The following SLC8A1 variants were observed in gnomAD, a reference collection of about 807,000 sequenced individuals.
The protein encoded by SLC8A1 is solute carrier family 8 member A1.
Under a neutral mutation model 68.3 loss-of-function variants are expected in SLC8A1, and 18 were observed. The observed-to-expected ratio is 0.26, with a 90% CI of 0.18 to 0.39. The LOEUF is 0.39. Among genes scored for constraint, SLC8A1 ranks in the 10% least tolerant of loss-of-function variants. The pLI, the probability that SLC8A1 is intolerant of heterozygous loss-of-function variation, is 1.00. For synonymous variants in SLC8A1, 475 were observed against 415.5 expected (o/e 1.14, Z -1.74); for missense variants, 985 against 1,156.7 (o/e 0.85, Z 2.15).
intron 1 of SLC8A1, among the ~76,000 whole-genome samples, chr2:40,469,474 A>G (rs6735424): frequency 0.61 from 92,679 of 151,998 alleles, 28,371 homozygotes; most frequent in South Asian, 0.73. Context: ...GAAGAACTGC[A>G]AGTCAATTAA....
chr2:40,175,315 T>C lies in SLC8A1; in HGVS notation c.1913-473A>G. 4 of 1,603,440 alleles carry C rather than the reference T, an allele frequency of 2.5e-6. No homozygotes were observed. In the South Asian group the frequency reaches 3.3e-5, roughly 13 times the overall value. ...GAAACAGACAAAGACAAACACAGAA[T>C]AAGAGACCAGATGAATAATGAAAGT... On this transcript the variant is annotated intron_variant, in intron 3 of 7. Coordinates refer to ENST00000406785, the Ensembl canonical transcript of SLC8A1.
At chr2:40,482,073 T>C (rs1704663422) in intron 1 of SLC8A1, among the ~76,000 whole-genome samples, 1 of 152,218 alleles carries the variant, frequency 6.6e-6, no homozygotes, top group Admixed American at 6.5e-5. Flanking sequence ...TTTTTTAAAA[T>C]ACATATTTTA....
chr2:40,457,609 T>G (rs928999723), intron 1 of SLC8A1, among the ~76,000 whole-genome samples: 10 of 152,210 alleles, frequency 6.6e-5, no homozygotes, highest in African/African-American at 2.4e-4. Flanking sequence ...TATGCTCTCG[T>G]CTCTTTAAAA....
intron 2 of SLC8A1, among the ~76,000 whole-genome samples, chr2:40,268,381 T>C (rs72939210): frequency 0.036 from 5,487 of 152,166 alleles, 366 homozygotes; most frequent in African/African-American, 0.12. Context: ...TTGAGAAACA[T>C]TGAACTAGGT....
intron 2 of SLC8A1, among the ~76,000 whole-genome samples, chr2:40,288,844 T>TAC (rs2068766358): frequency 7.1e-6 from 1 of 141,044 alleles, no homozygotes; most frequent in African/African-American, 2.8e-5. Flanking sequence ...CATATATATA[T>TAC]ATATATATGT....
At chr2:40,213,084 T>C (rs572853105) in intron 2 of SLC8A1, 46 of 152,356 alleles carry the variant, frequency 3.0e-4, no homozygotes, top group African/African-American at 1.1e-3. Context: ...AATTTAAAGA[T>C]GACTAAGTTG....
rs140986017 is a variant in SLC8A1 at position 40,243,345 on chromosome 2, T to C, written c.1809-65490A>G. 1.4e-4 allele frequency among the ~76,000 whole-genome samples: 22 copies of C among 152,070 alleles called. No individual in the cohort carries two copies. In the East Asian group the frequency reaches 4.3e-3, roughly 29 times the overall value. On this transcript the variant is annotated intron_variant, in intron 2 of 7. Coordinates refer to ENST00000406785, the Ensembl canonical transcript of SLC8A1. The stretch of plus-strand genomic sequence containing the variant: ...CAAAAATACAAATAAATAAATAAAC[T>C]GGGCATGGTAGTGTCTGCGGTCCCA...
At chr2:40,169,904 C>G (rs1573498503) in intron 4 of SLC8A1, among the ~76,000 whole-genome samples, 1 of 152,188 alleles carries the variant, frequency 6.6e-6, no homozygotes, top group East Asian at 1.9e-4. Flanking sequence ...TTGATTCCAC[C>G]ACTGCACTCC....
intron 7 of SLC8A1, chr2:40,118,562 A>T (rs1471795341): frequency 6.6e-6 from 1 of 151,230 alleles, no homozygotes; most frequent in African/African-American, 2.4e-5. Context: ...CATTATTAAA[A>T]GTTAATAGAA....
intron 2 of SLC8A1, among the ~76,000 whole-genome samples, chr2:40,394,054 C>T (rs1686125789): frequency 6.6e-6 from 1 of 152,082 alleles, no homozygotes; most frequent in African/African-American, 2.4e-5. Flanking sequence ...ATGCTACTGA[C>T]ATTTTGTGTA....
intron 1 of SLC8A1, among the ~76,000 whole-genome samples, chr2:40,497,345 A>C: frequency 6.6e-6 from 1 of 152,088 alleles, no homozygotes; most frequent in Middle Eastern, 3.2e-3. Context: ...CACTGTGTCA[A>C]GTCCTGAGTA....
chr2:40,203,389 A>G (rs1440499045), intron 2 of SLC8A1, among the ~76,000 whole-genome samples: 3 of 151,978 alleles, frequency 2.0e-5, no homozygotes, highest in African/African-American at 4.8e-5. Flanking sequence ...CTGTTCCCCA[A>G]TAACATTGTG....
intron 2 of SLC8A1, among the ~76,000 whole-genome samples, chr2:40,369,786 C>G (rs1677437804): frequency 6.6e-6 from 1 of 152,050 alleles, no homozygotes; most frequent in African/African-American, 2.4e-5. Flanking sequence ...GAGGAATCAT[C>G]TGTGGTTGGG....
At chr2:40,467,538 TGTTCCTTC>T in intron 1 of SLC8A1, among the ~76,000 whole-genome samples, 2 of 152,304 alleles carry the variant, frequency 1.3e-5, no homozygotes, top group African/African-American at 4.8e-5. Flanking sequence ...TCTCCTTTTA[TGTTCCTTC>T]TACAGAATAA....
chr2:40,100,873 C>G (rs2033852434), exon 8 of SLC8A1: 1 of 152,090 alleles, frequency 6.6e-6, no homozygotes, highest in Non-Finnish European at 1.5e-5. Flanking sequence ...AAATATCTGA[C>G]AAGTTTGGTT....
At chr2:40,271,459 C>T (rs994194362) in intron 2 of SLC8A1, among the ~76,000 whole-genome samples, 3 of 152,188 alleles carry the variant, frequency 2.0e-5, no homozygotes, top group South Asian at 4.1e-4. Context: ...TCTCTGACCA[C>T]GCTCACTAAA....
rs771516562 is a variant in SLC8A1 at position 40,429,647 on chromosome 2, T to C, written c.634A>G (p.Ile212Val). ...ATGTAAAGCCAGGTGTAGGCAAAGA[T>C]GCTCCAGGCTGCTGTCACAAAGAAG... is the stretch of plus-strand genomic sequence containing the variant. The change falls in exon 2 of 8, where the codon ATC becomes GTC. Residue 212 changes from isoleucine to valine, a missense_variant. By Grantham distance (29) the Ile-to-Val change is conservative. Around this residue, in one of 5 missense-constraint regions of SLC8A1, gnomAD observed 88 missense variants for 111.8 expected, o/e 0.79. Coordinates refer to ENST00000406785, the Ensembl canonical transcript of SLC8A1. 2 of 1,613,726 alleles carry C rather than the reference T, an allele frequency of 1.2e-6. No homozygotes were observed. The highest frequency in any genetic ancestry group is 1.7e-6 in the Non-Finnish European group (2 of 1,179,914).
intron 1 of SLC8A1, among the ~76,000 whole-genome samples, chr2:40,479,453 CA>C (rs146927584): frequency 1.0e-3 from 156 of 152,270 alleles, no homozygotes; most frequent in African/African-American, 3.6e-3. Flanking sequence ...AAAAAATAAA[CA>C]TTTTTTTAAG....
At chr2:40,434,497 C>T (rs1005877618) in intron 1 of SLC8A1, among the ~76,000 whole-genome samples, 1 of 152,060 alleles carries the variant, frequency 6.6e-6, no homozygotes, top group African/African-American at 2.4e-5. Context: ...CTAAACTCTC[C>T]CCATTTTCCC....
Sources: gnomAD v4.1 joint callset for allele counts (sites outside exome capture counted in the v4.1 genomes callset) on GRCh38, gnomAD v4.1.1 for gene constraint, gnomAD v4.1.1 regional missense constraint, MANE v1.5 for transcripts, NCBI Gene and HGNC (gene_info 2026-07-23, HGNC 2026-07-21) for gene names.